Variants in GALNT17 observed in about 807,000 individuals in gnomAD.
GALNT17 encodes the protein UDP-GalNAc:polypeptide N-acetylgalactosaminyltransferase-like 3.
Under a neutral mutation model 63.7 loss-of-function variants are expected in GALNT17, and 29 were observed. That is an observed-to-expected ratio of 0.46 (90% CI 0.34 to 0.62). The LOEUF is 0.62. GALNT17 is among the 20% of genes least tolerant of loss of function. The pLI is 0.01. For missense variants in GALNT17, 603 were observed against 799.6 expected (o/e 0.75, Z 2.97); for synonymous variants, 305 against 318.3 (o/e 0.96, Z 0.45).
At chr7:71,200,308 CT>C (rs1789142830) in intron 1 of GALNT17, among the ~76,000 whole-genome samples, 1 of 152,274 alleles carries the variant, frequency 6.6e-6, no homozygotes, top group East Asian at 1.9e-4. Flanking sequence ...GATGGAGCAT[CT>C]GCTCTGGGTC....
intron 6 of GALNT17, among the ~76,000 whole-genome samples, chr7:71,589,601 T>C (rs549298782): frequency 6.6e-6 from 1 of 152,136 alleles, no homozygotes; most frequent in African/African-American, 2.4e-5. Flanking sequence ...AAGTAATACC[T>C]ACTGTGGATT....
intron 7 of GALNT17, among the ~76,000 whole-genome samples, chr7:71,667,769 A>G (rs1268881274): frequency 6.6e-6 from 1 of 151,510 alleles, no homozygotes; most frequent in Non-Finnish European, 1.5e-5. Context: ...AAATAGTGAA[A>G]TAGGTATTAT....
intron 8 of GALNT17, among the ~76,000 whole-genome samples, chr7:71,673,037 T>C (rs1172639219): frequency 6.6e-6 from 1 of 152,186 alleles, no homozygotes; most frequent in East Asian, 1.9e-4. Context: ...CAAAGATTCA[T>C]TTTTTGTGTT....
At chr7:71,485,099 A>ACAC (rs1787888791) in intron 5 of GALNT17, among the ~76,000 whole-genome samples, 1 of 147,936 alleles carries the variant, frequency 6.8e-6, no homozygotes. Context: ...GTGAGCCACC[A>ACAC]TGCCCAGCCA....
Position 71,221,708 on chromosome 7 carries a change from A to G in GALNT17, c.238+88668A>G, listed in dbSNP as rs180888084. Among the ~76,000 whole-genome samples the G allele has an allele frequency of 1.5e-3, 229 of 152,186 alleles. 1 individual carries two copies. The highest frequency in any genetic ancestry group is 2.5e-3 in the Non-Finnish European group (173 of 68,018). ...CTGACCCAGAAACTCATCTCTTTGC[A>G]TCTCTGCACGCTGCTGCCTTTGATG... On this transcript the variant is annotated intron_variant, in intron 1 of 10. Coordinates refer to ENST00000333538, the MANE Select transcript of GALNT17 (RefSeq NM_022479.3).
intron 1 of GALNT17, among the ~76,000 whole-genome samples, chr7:71,174,909 T>C (rs751124102): frequency 2.2e-4 from 33 of 152,342 alleles, no homozygotes; most frequent in Admixed American, 3.9e-4. Context: ...GGTTTCTGTC[T>C]TTGGGGAGCG....
At position 71,713,213 on chromosome 7, in the gene GALNT17, GGTGT is replaced by G. The variant is rs145929437; in HGVS notation, c.*1080_*1083del. On this transcript the variant is annotated 3_prime_UTR_variant, in exon 11 of 11. Transcript: ENST00000333538. ...TGTGCCTGCGTGCTGTGCGTGGCAGGGTGTGTGTGTGTGTGTCTGGCTGTGCGTT... is the reference window on the plus strand; with the variant it reads ...TGTGCCTGCGTGCTGTGCGTGGCAGGGTGTGTGTGTGTCTGGCTGTGCGTT... 6.6e-5 allele frequency: 10 copies of G among 152,602 alleles called. No homozygotes were observed. The highest frequency in any genetic ancestry group is 1.9e-4 in the African/African-American group (8 of 41,468). The allele number at this position is 152,602 out of a possible 1,614,324, so 9.5% of individuals were successfully genotyped here. A position where few individuals can be genotyped will look rare whatever the true frequency, so the allele number is the denominator to read the frequency against.
At chr7:71,541,319 G>A (rs1365261791) in intron 5 of GALNT17, among the ~76,000 whole-genome samples, 2 of 151,498 alleles carry the variant, frequency 1.3e-5, no homozygotes, top group Admixed American at 6.6e-5. Context: ...TACACTTCCC[G>A]AAGCAGGTGG....
Position 71,712,150 on chromosome 7 carries a change from G to A in GALNT17, c.*4G>A, listed in dbSNP as rs1323331470. ...CATTAAGAACTCCATCAAGTAGAGG[G>A]AGGGAGCTGGGGCACTGGAGCCTGG... is the stretch of plus-strand genomic sequence containing the variant. On this transcript the variant is annotated 3_prime_UTR_variant, in exon 11 of 11. Coordinates refer to ENST00000333538, the MANE Select transcript of GALNT17 (RefSeq NM_022479.3). The A allele has an allele frequency of 6.2e-7, 1 of 1,611,792 alleles. No homozygotes were observed. The highest frequency in any genetic ancestry group is 8.5e-7 in the Non-Finnish European group (1 of 1,178,736).
intron 5 of GALNT17, among the ~76,000 whole-genome samples, chr7:71,488,210 C>A (rs1787945099): frequency 6.6e-6 from 1 of 150,430 alleles, no homozygotes; most frequent in Non-Finnish European, 1.5e-5. Flanking sequence ...AAGAGGCAAG[C>A]CTTAGACAGT....
intron 5 of GALNT17, among the ~76,000 whole-genome samples, chr7:71,456,848 T>C (rs928540800): frequency 2.0e-5 from 3 of 152,154 alleles, no homozygotes; most frequent in Non-Finnish European, 4.4e-5. Flanking sequence ...GGGGTGCAGC[T>C]TACTTTTATA....
At chr7:71,379,057 G>A (rs2116311060) in intron 2 of GALNT17, among the ~76,000 whole-genome samples, 1 of 152,212 alleles carries the variant, frequency 6.6e-6, no homozygotes, top group East Asian at 1.9e-4. Flanking sequence ...TCTTGGAGTG[G>A]GGATGACCAG....
rs573570825 is a variant in GALNT17 at position 71,289,899 on chromosome 7, G to A, written c.239-45651G>A. Among the ~76,000 whole-genome samples, 863 of 144,346 alleles carry A rather than the reference G, an allele frequency of 6.0e-3. 28 individuals carry two copies. The East Asian group carries it at 0.065, about 11-fold the overall frequency. The allele number at this position is 144,346 out of a possible 152,430, so 94.7% of individuals were successfully genotyped here. On this transcript the variant is annotated intron_variant, in intron 1 of 10. Transcript: ENST00000333538. ...CGTCTCAAAAGAAAAAAAAAAAAAA[G>A]CCAGATGTGGTGGCACGCACCTGTA...
At chr7:71,558,072 T>C (rs1789194410) in intron 5 of GALNT17, among the ~76,000 whole-genome samples, 1 of 152,070 alleles carries the variant, frequency 6.6e-6, no homozygotes, top group Admixed American at 6.6e-5. Context: ...AGACTCTGTC[T>C]CAAAAACAAA....
intron 1 of GALNT17, among the ~76,000 whole-genome samples, chr7:71,251,446 G>A (rs1790195749): frequency 6.6e-6 from 1 of 152,288 alleles, no homozygotes; most frequent in South Asian, 2.1e-4. Flanking sequence ...GGTCCATGCT[G>A]TTGCCCAGGC....
At chr7:71,612,488 T>G (rs1030990828) in intron 6 of GALNT17, among the ~76,000 whole-genome samples, 2 of 152,238 alleles carry the variant, frequency 1.3e-5, no homozygotes, top group Admixed American at 6.5e-5. Context: ...AAGAAGAGGT[T>G]GTGTTCAGCA....
chr7:71,627,378 C>T (rs1273329194), intron 6 of GALNT17, among the ~76,000 whole-genome samples: 3 of 152,158 alleles, frequency 2.0e-5, no homozygotes, highest in South Asian at 4.1e-4. Flanking sequence ...GTGGTTGCAC[C>T]ATTGCGCCCT....
intron 7 of GALNT17, among the ~76,000 whole-genome samples, chr7:71,666,535 G>T (rs587330): frequency 0.55 from 83,915 of 151,298 alleles, 23,914 homozygotes; most frequent in East Asian, 0.98. Context: ...CATATTTGTT[G>T]TCTGTTATCC....
intron 9 of GALNT17, among the ~76,000 whole-genome samples, chr7:71,698,714 C>T (rs1791580996): frequency 6.6e-6 from 1 of 151,894 alleles, no homozygotes; most frequent in Non-Finnish European, 1.5e-5. Context: ...ACAGAGGAGC[C>T]TGGACAAACA....
Sources: allele counts gnomAD v4.1 joint callset (sites outside exome capture counted in the v4.1 genomes callset), GRCh38; gene constraint gnomAD v4.1.1; transcripts MANE v1.5; gene names NCBI Gene and HGNC (gene_info 2026-07-23, HGNC 2026-07-21).